Variants in GRM8 observed in about 807,000 individuals in gnomAD.
GRM8 encodes glutamate metabotropic receptor 8, also known as metabotropic glutamate receptor 8.
Under a neutral mutation model 87.2 loss-of-function variants are expected in GRM8, and 47 were observed. That is an observed-to-expected ratio of 0.54 (90% confidence interval 0.43 to 0.69). The LOEUF is 0.69. GRM8 is among the 30% of genes least tolerant of loss of function. GRM8 has a pLI of 0.00. For missense variants in GRM8, 1,019 were observed against 1,139.2 expected (o/e 0.89, Z 1.52); for synonymous variants, 396 against 404.5 (o/e 0.98, Z 0.25).
At chr7:126,757,631 T>C (rs1817158933) in intron 7 of GRM8, among the ~76,000 whole-genome samples, 1 of 152,170 alleles carries the variant, frequency 6.6e-6, no homozygotes, top group African/African-American at 2.4e-5. Context: ...ATCTCTGTTC[T>C]GTGAGCATGG....
chr7:127,090,956 C>T (rs977554342), intron 3 of GRM8: 2 of 152,262 alleles, frequency 1.3e-5, no homozygotes, highest in African/African-American at 4.8e-5. Context: ...CTCAGATTAT[C>T]TTCTAGACAG....
chr7:126,936,755 C>T (rs1307864888), intron 3 of GRM8, among the ~76,000 whole-genome samples: 2 of 152,122 alleles, frequency 1.3e-5, no homozygotes, highest in Non-Finnish European at 2.9e-5. Context: ...GAGCAACCCC[C>T]GGGGACTCAG....
intron 2 of GRM8, among the ~76,000 whole-genome samples, chr7:127,168,722 G>A (rs1793602201): frequency 6.6e-6 from 1 of 151,138 alleles, no homozygotes; most frequent in Non-Finnish European, 1.5e-5. Flanking sequence ...CATGGATGAA[G>A]CTGGAGACCA....
chr7:126,772,546 C>A lies in GRM8; in HGVS notation c.1157-2481G>T, dbSNP rs2299515. ...CGCCAAGAGATTCTGGTGCAACCAG[C>A]TGAGTCTGTGGGCCAGCTTTAGGAA... On this transcript the variant is annotated intron_variant, in intron 6 of 10. Transcript: ENST00000339582. Among the ~76,000 whole-genome samples the A allele has an allele frequency of 4.5e-3, 685 of 152,186 alleles. 27 individuals carry two copies. The East Asian group carries it at 0.085, about 19-fold the overall frequency.
At chr7:126,954,473 T>G (rs535926967) in intron 3 of GRM8, among the ~76,000 whole-genome samples, 14 of 152,292 alleles carry the variant, frequency 9.2e-5, no homozygotes, top group African/African-American at 3.1e-4. Context: ...CAGGCGATAT[T>G]TGGGACATAC....
intron 7 of GRM8, among the ~76,000 whole-genome samples, chr7:126,671,730 C>G (rs934554972): frequency 6.6e-6 from 1 of 152,122 alleles, no homozygotes; most frequent in Non-Finnish European, 1.5e-5. Context: ...GCCCATAACC[C>G]AGAGGTTTCC....
chr7:126,616,438 C>T (rs1217867857), intron 7 of GRM8, among the ~76,000 whole-genome samples: 3 of 151,954 alleles, frequency 2.0e-5, no homozygotes, highest in Admixed American at 1.3e-4. Flanking sequence ...GATCTAAAAT[C>T]GACACCCTAA....
At chr7:126,667,211 C>T (rs933688437) in intron 7 of GRM8, among the ~76,000 whole-genome samples, 2 of 152,124 alleles carry the variant, frequency 1.3e-5, no homozygotes, top group Admixed American at 1.3e-4. Context: ...ATAAAGTAAA[C>T]TGAAGCACAA....
At chr7:126,466,760 T>A (rs996996568) in intron 9 of GRM8, among the ~76,000 whole-genome samples, 12 of 151,916 alleles carry the variant, frequency 7.9e-5, no homozygotes, top group African/African-American at 2.9e-4. Flanking sequence ...ATCAATGGAT[T>A]GGATGATGCC....
At chr7:126,607,720 T>C (rs759701615) in intron 8 of GRM8, among the ~76,000 whole-genome samples, 3 of 152,114 alleles carry the variant, frequency 2.0e-5, no homozygotes, top group Non-Finnish European at 4.4e-5. Context: ...TATTATACTT[T>C]AAGTTTTAGG....
At chr7:126,611,306 G>A (rs1414181747) in intron 7 of GRM8, among the ~76,000 whole-genome samples, 1 of 152,124 alleles carries the variant, frequency 6.6e-6, no homozygotes, top group African/African-American at 2.4e-5. Context: ...TGTAAAATGG[G>A]AGTAATAATG....
At chr7:127,096,077 C>G (rs1169595541) in intron 3 of GRM8, among the ~76,000 whole-genome samples, 1 of 152,170 alleles carries the variant, frequency 6.6e-6, no homozygotes, top group Admixed American at 6.5e-5. Flanking sequence ...ATACATTAGT[C>G]ATGTGAAGAA....
intron 9 of GRM8, among the ~76,000 whole-genome samples, chr7:126,524,903 T>C (rs1813597870): frequency 6.6e-6 from 1 of 152,248 alleles, no homozygotes; most frequent in Non-Finnish European, 1.5e-5. Context: ...CTTGATTCAC[T>C]CTTAAAATGC....
chr7:127,183,150 T>C (rs1794560536), intron 2 of GRM8, among the ~76,000 whole-genome samples: 1 of 151,982 alleles, frequency 6.6e-6, no homozygotes, highest in African/African-American at 2.4e-5. Flanking sequence ...ACTATATTAA[T>C]TTTAGACAAA....
intron 2 of GRM8, 63 bp downstream of exon 2, chr7:127,242,632 A>T (rs1798373235): frequency 1.4e-6 from 2 of 1,453,468 alleles, no homozygotes; most frequent in Non-Finnish European, 1.9e-6. Flanking sequence ...TTAAACCTGC[A>T]GTAGGAGTCA....
chr7:126,788,420 A>AAAAAAAAAAC lies in GRM8; in HGVS notation c.1157-18356_1157-18355insGTTTTTTTTT. 4.8e-4 allele frequency among the ~76,000 whole-genome samples: 39 copies of AAAAAAAAAAC among 81,134 alleles called. 5 individuals carry two copies. The highest frequency in any genetic ancestry group is 1.8e-3 in the African/African-American group (39 of 21,824). The allele number at this position is 81,134 out of a possible 152,430, so 53.2% of individuals were successfully genotyped here. On this transcript the variant is annotated intron_variant, in intron 6 of 10. Coordinates refer to ENST00000339582, the MANE Select transcript of GRM8 (RefSeq NM_000845.3). Reference sequence around the variant, plus strand: ...GCAAGACTCCATCTCAAAAAAAAAAAAAACCCTTTCAGATATCTTTAACAT... The same window carrying AAAAAAAAAAC: ...GCAAGACTCCATCTCAAAAAAAAAAAAAAAAAAAACAAACCCTTTCAGATATCTTTAACAT...
intron 9 of GRM8, among the ~76,000 whole-genome samples, chr7:126,449,501 T>C (rs777945551): frequency 2.0e-5 from 3 of 151,896 alleles, no homozygotes; most frequent in Admixed American, 6.6e-5. Flanking sequence ...CCCAGGAGTA[T>C]AGGACAAAAG....
intron 8 of GRM8, among the ~76,000 whole-genome samples, chr7:126,541,682 G>GA (rs1375491851): frequency 3.9e-5 from 6 of 152,184 alleles, no homozygotes; most frequent in Admixed American, 2.0e-4. Context: ...ATGGCCATGG[G>GA]AAAAATGTGA....
chr7:126,666,648 T>C (rs1805799066), intron 7 of GRM8, among the ~76,000 whole-genome samples: 1 of 150,450 alleles, frequency 6.6e-6, no homozygotes, highest in Admixed American at 6.6e-5. Context: ...CTGAGAACCA[T>C]ACAAAAAAAT....
Sources: gnomAD v4.1 joint callset for allele counts (sites outside exome capture counted in the v4.1 genomes callset) on GRCh38, gnomAD v4.1.1 for gene constraint, MANE v1.5 for transcripts, NCBI Gene and HGNC (gene_info 2026-07-23, HGNC 2026-07-21) for gene names.